Variants in MRPS30 observed in about 807,000 individuals in gnomAD.
The protein encoded by MRPS30 is mitochondrial ribosomal protein S30.
In MRPS30, 42 loss-of-function variants were observed where a neutral mutation model predicts 43.8. That is an observed-to-expected ratio of 0.96 (90% CI 0.75 to 1.24). MRPS30 has a LOEUF of 1.24. Ranked by LOEUF, MRPS30 falls within the 50% of genes most tolerant of loss-of-function variation. The pLI, the probability that MRPS30 is intolerant of heterozygous loss-of-function variation, is 0.00. For synonymous variants in MRPS30, 273 were observed against 228.2 expected (o/e 1.20, Z -1.77); for missense variants, 638 against 570.0 (o/e 1.12, Z -1.22).
rs1194961601 is a variant in MRPS30, at chr5:44,815,035, C to G, written c.1153C>G (p.Gln385Glu). ...TTTGGCACTGACTACACAAGCTGAT[C>G]AAAATAACCCTCGTAAAAATATATG... ...NTLALTTQADQNNPRKNICWG... is the reference protein window; with the variant it reads ...NTLALTTQADENNPRKNICWG... The change falls in exon 5 of 5, where the codon CAA (glutamine) becomes GAA (glutamate). Residue 385 changes from glutamine to glutamate, a missense_variant. Physicochemically the swap from Gln to Glu is conservative, Grantham distance 29. Coordinates refer to ENST00000507110, the MANE Select transcript of MRPS30 (RefSeq NM_016640.4). 6.2e-7 allele frequency: 1 copy of G among 1,613,672 alleles called. No individual in the cohort carries two copies. The highest frequency in any genetic ancestry group is 8.5e-7 in the Non-Finnish European group (1 of 1,179,798).
Position 44,813,301 on chromosome 5 carries a change from G to A in MRPS30, c.1030+19G>A. 1.3e-6 allele frequency: 2 copies of A among 1,547,478 alleles called. No individual in the cohort carries two copies. Among genetic ancestry groups the A allele is most frequent in the Non-Finnish European group, 1.7e-6 (2 of 1,150,566 alleles). ...TATCAAGGTAAAAATTAATTTTATA[G>A]CATTTTCTTTGAAGGTATTTGTAAC... On this transcript the variant is annotated intron_variant, in intron 4 of 4. Coordinates refer to ENST00000507110, the MANE Select transcript of MRPS30 (RefSeq NM_016640.4).
In MRPS30 at chr5:44,809,524, C is replaced by G; in HGVS notation, c.562C>G (p.Leu188Val). 1 of 1,610,576 alleles carries G rather than the reference C, an allele frequency of 6.2e-7. No homozygotes were observed. Among genetic ancestry groups the G allele is most frequent in the Non-Finnish European group, 8.5e-7 (1 of 1,178,484 alleles). ...GCTGGTGTCAACCCTCGTGGGCCTC[C>G]TCAGCCCACACAACCCGGCCCTGGC... ...DQLVSTLVGL[L>V]SPHNPALAAA... Residue 188 changes from leucine (L) to valine (V), a missense_variant, in exon 1 of 5, where the codon CTC (leucine) becomes GTC (valine). By Grantham distance (32) the Leu-to-Val change is conservative (BLOSUM62 1). Transcript: ENST00000507110.
Position 44,811,931 on chromosome 5 carries a change from A to T in MRPS30, c.764A>T (p.Tyr255Phe). 6.3e-7 allele frequency: 1 copy of T among 1,581,688 alleles called. No individual in the cohort carries two copies. ...TTCTTTAAGTTTGTGCCATTGGATT[A>T]TTCTGTTCCTATAGAAATCCCCACT... ...KQLAEFVPLD[Y>F]SVPIEIPTIK... The change falls in exon 3 of 5, where the codon TAT (tyrosine) becomes TTT (phenylalanine). Residue 255 changes from tyrosine to phenylalanine, a missense_variant. Physicochemically the swap from Tyr to Phe is conservative, Grantham distance 22. Transcript: ENST00000507110.
Position 44,809,762 on chromosome 5 carries a change from G to A in MRPS30, c.601+199G>A, listed in dbSNP as rs1446459886. On this transcript the variant is annotated intron_variant, in intron 1 of 4. Coordinates refer to ENST00000507110, the MANE Select transcript of MRPS30 (RefSeq NM_016640.4). The stretch of plus-strand genomic sequence containing the variant: ...CTAGAGACTAGGTGTGTGTGGCTGC[G>A]CTAACACCTACCAGCTCTTCAACTC... 1.4e-5 allele frequency: 8 copies of A among 586,774 alleles called. No homozygotes were observed. In the Admixed American group the frequency reaches 1.7e-4, roughly 12 times the overall value. The allele number at this position is 586,774 out of a possible 1,614,324, so 36.3% of individuals were successfully genotyped here.
In MRPS30 at chr5:44,809,582, C is replaced by A. The variant is rs1312423621; in HGVS notation, c.601+19C>A. The A allele has an allele frequency of 6.4e-7, 1 of 1,566,988 alleles. No individual in the cohort carries two copies. The highest frequency in any genetic ancestry group is 1.9e-5 in the Admixed American group (1 of 52,228). ...GCCCTCGGTGAGCCTTGGATTCCGC[C>A]CCAGGGCGGAAGGGAGAGATGGGGA... On this transcript the variant is annotated intron_variant, in intron 1 of 4. Transcript: ENST00000507110.
intron 3 of MRPS30, among the ~76,000 whole-genome samples, chr5:44,812,517 C>T (rs1030302866): frequency 1.3e-5 from 2 of 152,016 alleles, no homozygotes; most frequent in Admixed American, 6.6e-5. Flanking sequence ...TTATACCAGC[C>T]CTCCAGACCT....
In MRPS30 at chr5:44,809,152, G is replaced by T. The variant is rs770875007; in HGVS notation, c.190G>T (p.Glu64Ter). 6.2e-7 allele frequency: 1 copy of T among 1,611,880 alleles called. No individual in the cohort carries two copies. Among genetic ancestry groups the T allele is most frequent in the Non-Finnish European group, 8.5e-7 (1 of 1,179,512 alleles). Residue 64 changes from glutamate to a stop codon, truncating the protein, a stop_gained, in exon 1 of 5, where the codon GAG becomes TAG. Coordinates refer to ENST00000507110, the MANE Select transcript of MRPS30 (RefSeq NM_016640.4). LOFTEE classifies it high-confidence loss of function. The stretch of plus-strand genomic sequence containing the variant: ...CAAAGCTGCACGGCTGCGGCGGATC[G>T]AGCGCTGGCAGGCGACGGTGCACGC... Reference protein sequence around the residue: ...DSKAARLRRIERWQATVHAAE... With the variant: ...DSKAARLRRI
Position 44,815,254 on chromosome 5 carries a change from A to G in MRPS30, c.*52A>G, listed in dbSNP as rs774678998. The G allele has an allele frequency of 7.0e-7, 1 of 1,436,934 alleles. No homozygotes were observed. Among genetic ancestry groups the G allele is most frequent in the Non-Finnish European group, 9.3e-7 (1 of 1,074,212 alleles). 89.0% of individuals were successfully genotyped at this position (1,436,934 alleles called of 1,614,324 possible). ...GGAATATTTAAATTTTACTGAAGGA[A>G]CAATAATGATGAGATTTGTAACTGT... On this transcript the variant is annotated 3_prime_UTR_variant, in exon 5 of 5. Transcript: ENST00000507110.
At position 44,809,356 on chromosome 5, in the gene MRPS30, G is replaced by A. The variant is rs1043245141; in HGVS notation, c.394G>A (p.Glu132Lys). 1 of 1,607,680 alleles carries A rather than the reference G, an allele frequency of 6.2e-7. No homozygotes were observed. The highest frequency in any genetic ancestry group is 1.3e-5 in the African/African-American group (1 of 74,770). Residue 132 changes from glutamate to lysine, a missense_variant, in exon 1 of 5, where the codon GAA becomes AAA. By Grantham distance (56) the Glu-to-Lys change is moderately conservative. Coordinates refer to ENST00000507110, the MANE Select transcript of MRPS30 (RefSeq NM_016640.4). ...PAEPEPEPEP[E>K]PEPALDLAAL... is the part of the protein sequence containing the mutation. Reference sequence around the variant, plus strand: ...GGAGCCCGAGCCCGAGCCCGAACCCGAACCTGAACCTGCGCTGGACCTCGC... The same window carrying A: ...GGAGCCCGAGCCCGAGCCCGAACCCAAACCTGAACCTGCGCTGGACCTCGC...
Position 44,809,096 on chromosome 5 carries a change from C to T in MRPS30, c.134C>T (p.Pro45Leu). Residue 45 changes from proline (P) to leucine (L), a missense_variant, in exon 1 of 5, where the codon CCG (proline) becomes CTG (leucine). Transcript: ENST00000507110. ...DVAATPVARY[P>L]PIVASMTADS... ...GCGGCGACCCCCGTCGCGCGGTACC[C>T]GCCGATTGTGGCCTCCATGACAGCC... 6.2e-7 allele frequency: 1 copy of T among 1,611,422 alleles called. No individual in the cohort carries two copies. The highest frequency in any genetic ancestry group is 8.5e-7 in the Non-Finnish European group (1 of 1,179,408).
At chr5:44,812,402 A>G (rs1276649355) in intron 3 of MRPS30, among the ~76,000 whole-genome samples, 1 of 152,108 alleles carries the variant, frequency 6.6e-6, no homozygotes, top group Non-Finnish European at 1.5e-5. Context: ...GGAATTCACA[A>G]ATTCATAATG....
chr5:44,815,474 T>C lies in MRPS30; in HGVS notation c.*272T>C. 1 of 267,668 alleles carries C rather than the reference T, an allele frequency of 3.7e-6. No homozygotes were observed. The highest frequency in any genetic ancestry group is 7.1e-6 in the Non-Finnish European group (1 of 141,408). 16.6% of individuals were successfully genotyped at this position (267,668 alleles called of 1,614,324 possible). On this transcript the variant is annotated 3_prime_UTR_variant, in exon 5 of 5. Transcript: ENST00000507110. ...TTGAGCTATTAAATGCACATTTTAA[T>C]ATAAATGCAGAAATCCCAAATAAAA...
At position 44,809,371 on chromosome 5, in the gene MRPS30, C is replaced by T. The variant is rs1742785048; in HGVS notation, c.409C>T (p.Leu137=). 1 of 1,608,116 alleles carries T rather than the reference C, an allele frequency of 6.2e-7. No individual in the cohort carries two copies. Among genetic ancestry groups the T allele is most frequent in the South Asian group, 1.1e-5 (1 of 90,612 alleles). The change falls in exon 1 of 5, where the codon CTG becomes TTG. Residue 137 remains leucine (L), a synonymous_variant. Transcript: ENST00000507110. Reference sequence around the variant, plus strand: ...GCCCGAACCCGAACCTGAACCTGCGCTGGACCTCGCGGCGCTGCGTGCGGT... The same window carrying T: ...GCCCGAACCCGAACCTGAACCTGCGTTGGACCTCGCGGCGCTGCGTGCGGT... ...PEPEPEPEPA[L]DLAALRAVAC...
chr5:44,811,406 A>G (rs35850760), intron 2 of MRPS30, among the ~76,000 whole-genome samples: 5,610 of 152,300 alleles, frequency 0.037, 144 homozygotes, highest in African/African-American at 0.075. Flanking sequence ...ATACAGATCT[A>G]TATGTTTCTC....
rs755426828 is a variant in MRPS30, at chr5:44,813,236, T to G, written c.984T>G (p.Ala328=). The G allele has an allele frequency of 7.4e-6, 12 of 1,611,072 alleles. No individual in the cohort carries two copies. Among genetic ancestry groups the G allele is most frequent in the Non-Finnish European group, 8.5e-6 (10 of 1,178,914 alleles). The change falls in exon 4 of 5, where the codon GCT becomes GCG. Residue 328 remains alanine (A), a synonymous_variant. Transcript: ENST00000507110. ...TAGAAGTTGTTTTTAGAGCTAATGC[T>G]ATTGCAAGCCTTTTTGCTTGGACTG... ...DQIEVVFRAN[A]IASLFAWTGA... is the part of the protein sequence containing the mutation.
At position 44,809,379 on chromosome 5, in the gene MRPS30, C is replaced by G; in HGVS notation, c.417C>G (p.Leu139=). 1 of 1,608,114 alleles carries G rather than the reference C, an allele frequency of 6.2e-7. No homozygotes were observed. The highest frequency in any genetic ancestry group is 8.5e-7 in the Non-Finnish European group (1 of 1,177,258). ...CCGAACCTGAACCTGCGCTGGACCT[C>G]GCGGCGCTGCGTGCGGTCGCCTGCG... ...PEPEPEPALD[L]AALRAVACDC... is the part of the protein sequence containing the mutation. The change falls in exon 1 of 5, where the codon CTC becomes CTG. Residue 139 remains leucine (L), a synonymous_variant. Coordinates refer to ENST00000507110, the MANE Select transcript of MRPS30 (RefSeq NM_016640.4).
intron 2 of MRPS30, 110 bp downstream of exon 2, chr5:44,811,264 C>T (rs971816953): frequency 6.2e-6 from 8 of 1,296,400 alleles, no homozygotes; most frequent in Admixed American, 2.3e-5. Context: ...GATCTCTTGC[C>T]TTTCAAGTTT....
At chr5:44,814,517 A>AT (rs1395836644) in intron 4 of MRPS30, among the ~76,000 whole-genome samples, 1 of 152,192 alleles carries the variant, frequency 6.6e-6, no homozygotes, top group African/African-American at 2.4e-5. Context: ...AGTATTACTC[A>AT]TTTGCTATCT....
Position 44,813,099 on chromosome 5 carries a change from T to C in MRPS30, c.854-7T>C, listed in dbSNP as rs1307282758. 1.2e-6 allele frequency: 2 copies of C among 1,608,522 alleles called. No individual in the cohort carries two copies. Among genetic ancestry groups the C allele is most frequent in the Admixed American group, 3.4e-5 (2 of 58,456 alleles). ...TTCATCTGAAATGTTTTTATTTTGC[T>C]CTTCAGGCTCAAAAACTGCAGATCC... On this transcript the variant is annotated splice_region_variant and splice_polypyrimidine_tract_variant and intron_variant, in intron 3 of 4. Coordinates refer to ENST00000507110, the MANE Select transcript of MRPS30 (RefSeq NM_016640.4).
Sources: allele counts gnomAD v4.1 joint callset (sites outside exome capture counted in the v4.1 genomes callset), GRCh38; gene constraint gnomAD v4.1.1; transcripts MANE v1.5; gene names NCBI Gene and HGNC (gene_info 2026-07-23, HGNC 2026-07-21).